Variants in KCNQ1OT1 observed in about 807,000 individuals in gnomAD.
KCNQ1OT1 encodes KCNQ1 opposite strand/antisense transcript 1, also known as KCNQ1 antisense RNA 2 (non-protein coding).
At position 2,677,026 on chromosome 11, in the gene KCNQ1OT1, C is replaced by T. The variant is rs1172956962; in HGVS notation, n.22969G>A. 2.5e-6 allele frequency: 1 copy of T among 398,512 alleles called. No individual in the cohort carries two copies. 24.7% of individuals were successfully genotyped at this position (398,512 alleles called of 1,614,324 possible). On this transcript the variant is annotated non_coding_transcript_exon_variant, in exon 1 of 1. Transcript: ENST00000597346. This position sits in a 1 kb window ranked among gnomAD's most constrained non-coding sequence, Gnocchi z 4.5. ...TGCCATGATTTATGGAACAGATCCT[C>T]TGTTGATGGATATGTAGGGCAGCTA...
At chr11:2,641,041 T>G (rs1396512398) in exon 1 of KCNQ1OT1, 1 of 398,410 alleles carries the variant, frequency 2.5e-6, no homozygotes, top group East Asian at 3.6e-5. Context: ...TATATTTACC[T>G]CATTTTCTTT....
chr11:2,646,954 C>G (rs191870809), exon 1 of KCNQ1OT1: 8 of 398,610 alleles, frequency 2.0e-5, no homozygotes, highest in African/African-American at 1.2e-4. Flanking sequence ...ATGACATTCT[C>G]TTTTCCAATT....
exon 1 of KCNQ1OT1, chr11:2,632,995 G>A: frequency 5.0e-6 from 2 of 398,486 alleles, no homozygotes; most frequent in Middle Eastern, 6.3e-4. Flanking sequence ...AAACACCACA[G>A]TATTTTCCAT....
In KCNQ1OT1 at chr11:2,668,506, A is replaced by G. The variant is rs1850124000; in HGVS notation, n.31489T>C. ...GCCATGATGGTGAATGTCTAGCAGC[A>G]TCAAATGGTGATTTTAATTTGCAGT... On this transcript the variant is annotated non_coding_transcript_exon_variant, in exon 1 of 1. Coordinates refer to ENST00000597346, the Ensembl canonical transcript of KCNQ1OT1. This position sits in a 1 kb window ranked among gnomAD's most constrained non-coding sequence, Gnocchi z 4.3. 5.0e-6 allele frequency: 2 copies of G among 398,660 alleles called. No homozygotes were observed. The highest frequency in any genetic ancestry group is 8.8e-6 in the Non-Finnish European group (2 of 226,072). The allele number at this position is 398,660 out of a possible 1,614,324, so 24.7% of individuals were successfully genotyped here. A position where few individuals can be genotyped will look rare whatever the true frequency, so the allele number is the denominator to read the frequency against.
At chr11:2,689,859 C>T (rs1226602677) in exon 1 of KCNQ1OT1, 2 of 398,714 alleles carry the variant, frequency 5.0e-6, no homozygotes. Context: ...CACTTAGCAC[C>T]CACCCCTGCC....
chr11:2,609,929 G>A (rs1306760214), exon 1 of KCNQ1OT1: 1 of 397,784 alleles, frequency 2.5e-6, no homozygotes, highest in Non-Finnish European at 4.4e-6. Context: ...TCATATAGAT[G>A]GAATACAGAT....
chr11:2,688,997 G>C (rs1437146568), exon 1 of KCNQ1OT1: 2 of 398,746 alleles, frequency 5.0e-6, no homozygotes, highest in Non-Finnish European at 8.8e-6. Flanking sequence ...AGGGGAGCCT[G>C]CAGGTCCCTG....
exon 1 of KCNQ1OT1, chr11:2,610,384 AAGG>A (rs1848960597): frequency 7.5e-6 from 3 of 398,332 alleles, no homozygotes; most frequent in Non-Finnish European, 1.3e-5. Flanking sequence ...AAGAAGCTGA[AAGG>A]AGAGCAAGTA....
exon 1 of KCNQ1OT1, chr11:2,615,108 A>G (rs1849040349): frequency 7.5e-6 from 3 of 398,050 alleles, no homozygotes; most frequent in Admixed American, 8.8e-5. Context: ...GAAGTCTTTC[A>G]CCTTCTTGTT....
At position 2,661,671 on chromosome 11, in the gene KCNQ1OT1, C is replaced by A; in HGVS notation, n.38324G>T. The A allele has an allele frequency of 1.7e-6, 1 of 596,926 alleles. No individual in the cohort carries two copies. Among genetic ancestry groups the A allele is most frequent in the Non-Finnish European group, 3.0e-6 (1 of 334,718 alleles). The allele number at this position is 596,926 out of a possible 1,614,324, so 37.0% of individuals were successfully genotyped here. On this transcript the variant is annotated non_coding_transcript_exon_variant, in exon 1 of 1. Coordinates refer to ENST00000597346, the Ensembl canonical transcript of KCNQ1OT1. This position sits in a 1 kb window ranked among gnomAD's most constrained non-coding sequence, Gnocchi z 5.9. ...GTGAACATGGGAAGAGGCCCAGAAC[C>A]TGAGGTGGGGAGAGTCTTGGACACC...
At position 2,679,743 on chromosome 11, in the gene KCNQ1OT1, T is replaced by C. The variant is rs771999383; in HGVS notation, n.20252A>G. 1 of 398,582 alleles carries C rather than the reference T, an allele frequency of 2.5e-6. No individual in the cohort carries two copies. The highest frequency in any genetic ancestry group is 4.4e-6 in the Non-Finnish European group (1 of 226,058). 24.7% of individuals were successfully genotyped at this position (398,582 alleles called of 1,614,324 possible). On this transcript the variant is annotated non_coding_transcript_exon_variant, in exon 1 of 1. Transcript: ENST00000597346. This position sits in a 1 kb window ranked among gnomAD's most constrained non-coding sequence, Gnocchi z 4.8. ...CTTGTCCAGATGCTGTGGACAGTGA[T>C]GATGGGAAAATAGTCCCTGCTGCAC...
At position 2,657,688 on chromosome 11, in the gene KCNQ1OT1, C is replaced by T. The variant is rs1012061553; in HGVS notation, n.42307G>A. The T allele has an allele frequency of 2.0e-5, 8 of 398,400 alleles. No homozygotes were observed. The highest frequency in any genetic ancestry group is 3.1e-5 in the Non-Finnish European group (7 of 226,036). 24.7% of individuals were successfully genotyped at this position (398,400 alleles called of 1,614,324 possible). On this transcript the variant is annotated non_coding_transcript_exon_variant, in exon 1 of 1. Transcript: ENST00000597346. This position sits in a 1 kb window ranked among gnomAD's most constrained non-coding sequence, Gnocchi z 4.8. The stretch of plus-strand genomic sequence containing the variant: ...TAACTACTAATGTCCTTTTTCTGTT[C>T]CAAGATCCCATCTAGGATCGATCAT...
exon 1 of KCNQ1OT1, chr11:2,637,276 G>A (rs1849487030): frequency 6.6e-6 from 1 of 151,866 alleles, no homozygotes; most frequent in South Asian, 2.1e-4. Context: ...GTGATGTTAG[G>A]GCATCAATTT....
exon 1 of KCNQ1OT1, chr11:2,660,337 T>C: frequency 2.5e-6 from 1 of 398,500 alleles, no homozygotes; most frequent in Non-Finnish European, 4.4e-6. Context: ...ATAGTGAAAT[T>C]AGGAATAAAT....
In KCNQ1OT1 at chr11:2,682,513, T is replaced by A; in HGVS notation, n.17482A>T. ...GAGTGAGTGAGTGAGTGAGTACTTG[T>A]GCCCAGGTCAAACCAGGTGCTAGGA... On this transcript the variant is annotated non_coding_transcript_exon_variant, in exon 1 of 1. Coordinates refer to ENST00000597346, the Ensembl canonical transcript of KCNQ1OT1. The surrounding 1 kb of genome is among the most constrained non-coding windows in gnomAD (Gnocchi z 5.8). 1 of 338,430 alleles carries A rather than the reference T, an allele frequency of 3.0e-6. No homozygotes were observed. Among genetic ancestry groups the A allele is most frequent in the Non-Finnish European group, 4.9e-6 (1 of 204,068 alleles). The allele number at this position is 338,430 out of a possible 1,614,324, so 21.0% of individuals were successfully genotyped here.
At position 2,679,237 on chromosome 11, in the gene KCNQ1OT1, G is replaced by A. The variant is rs765943237; in HGVS notation, n.20758C>T. 1 of 398,636 alleles carries A rather than the reference G, an allele frequency of 2.5e-6. No individual in the cohort carries two copies. The highest frequency in any genetic ancestry group is 4.4e-6 in the Non-Finnish European group (1 of 226,082). The allele number at this position is 398,636 out of a possible 1,614,324, so 24.7% of individuals were successfully genotyped here. On this transcript the variant is annotated non_coding_transcript_exon_variant, in exon 1 of 1. Transcript: ENST00000597346. This position sits in a 1 kb window ranked among gnomAD's most constrained non-coding sequence, Gnocchi z 4.8. Reference sequence around the variant, plus strand: ...TGTGAAGCTGGTCCAGAGGACTACAGCTGCCTGTCCCACCCTTGGCTGTGC... The same window carrying A: ...TGTGAAGCTGGTCCAGAGGACTACAACTGCCTGTCCCACCCTTGGCTGTGC...
chr11:2,633,027 C>G (rs145637203), exon 1 of KCNQ1OT1: 3 of 398,426 alleles, frequency 7.5e-6, no homozygotes, highest in African/African-American at 6.2e-5. Flanking sequence ...AATTTATAGT[C>G]CCACAAATAG....
At chr11:2,618,507 C>G (rs1034416211) in exon 1 of KCNQ1OT1, 3 of 398,510 alleles carry the variant, frequency 7.5e-6, no homozygotes, top group Admixed American at 4.4e-5. Flanking sequence ...ATTGGTTGAT[C>G]ATATATCTTT....
At chr11:2,675,871 G>A (rs1850284427) in exon 1 of KCNQ1OT1, 3 of 398,590 alleles carry the variant, frequency 7.5e-6, no homozygotes, top group Non-Finnish European at 1.3e-5. Context: ...GCCTTCTGGG[G>A]AGCCAATCGT....
Sources: allele counts gnomAD v4.1 joint callset, GRCh38; gene constraint gnomAD v4.1.1; non-coding constraint Gnocchi (gnomAD v3.1); transcripts MANE v1.5; gene names NCBI Gene and HGNC (gene_info 2026-07-23, HGNC 2026-07-21).